The following COL6A1 variants were observed in gnomAD, a reference collection of about 807,000 sequenced individuals.
COL6A1 encodes the protein collagen alpha-1(VI) chain.
COL6A1 carries 80 observed loss-of-function variants against 145.6 expected under a neutral mutation model. The observed-to-expected ratio is 0.55, with a 90% CI of 0.46 to 0.66. The LOEUF (loss-of-function observed/expected upper bound fraction) is 0.66. COL6A1 is among the 30% of genes least tolerant of loss of function. The pLI, the probability that COL6A1 is intolerant of heterozygous loss-of-function variation, is 0.00. For synonymous variants in COL6A1, 638 were observed against 622.8 expected (o/e 1.02, Z -0.36); for missense variants, 1,364 against 1,473.8 (o/e 0.93, Z 1.22).
chr21:46,001,853 G>A (rs909367956), intron 30 of COL6A1, 108 bp from the exon 31 acceptor site: 2 of 932,958 alleles, frequency 2.1e-6, no homozygotes, highest in Non-Finnish European at 3.4e-6. Context: ...CTGAGGTCCT[G>A]GGGGCCATGC....
chr21:45,981,784 G>C lies in COL6A1; in HGVS notation c.-67G>C. On this transcript the variant is annotated 5_prime_UTR_variant, in exon 1 of 35. Transcript: ENST00000361866. ...TGGCTGGGAGCAGAAGGCAGCCTCG[G>C]TCTCTGGGCGGCGGCGGCGGCCCAC... 1 of 1,268,324 alleles carries C rather than the reference G, an allele frequency of 7.9e-7. No individual in the cohort carries two copies. The highest frequency in any genetic ancestry group is 2.1e-5 in the Admixed American group (1 of 48,318). The allele number at this position is 1,268,324 out of a possible 1,614,324, so 78.6% of individuals were successfully genotyped here.
In COL6A1 at chr21:45,990,959, T is replaced by C; in HGVS notation, c.1057-20T>C. ...GCGGTGGCCTCTGCCGGTGGTGTCA[T>C]GCTGCCCTCTTTTCTCCAGGGCATT... On this transcript the variant is annotated intron_variant, in intron 14 of 34. Coordinates refer to ENST00000361866, the MANE Select transcript of COL6A1 (RefSeq NM_001848.3). The C allele has an allele frequency of 1.2e-6, 2 of 1,613,358 alleles. No individual in the cohort carries two copies. Among genetic ancestry groups the C allele is most frequent in the South Asian group, 1.1e-5 (1 of 91,080 alleles).
Position 45,984,375 on chromosome 21 carries a change from G to A in COL6A1, c.334G>A (p.Ala112Thr), listed in dbSNP as rs568865339. ...CACGCGCATGCCTGGCGGCCGCGAC[G>A]CACTCAAAAGCAGCGTGGACGCGGT... ...GLTRMPGGRD[A>T]LKSSVDAVKY... The change falls in exon 3 of 35, where the codon GCA (alanine) becomes ACA (threonine). Residue 112 changes from alanine to threonine, a missense_variant. Ala to Thr is a moderately conservative substitution (Grantham distance 58, BLOSUM62 0). Transcript: ENST00000361866. 116 of 1,612,694 alleles carry A rather than the reference G, an allele frequency of 7.2e-5. 1 individual carries two copies. The highest frequency in any genetic ancestry group is 3.8e-4 in the South Asian group (35 of 91,074).
At chr21:45,984,004 C>T (rs1020972325) in intron 2 of COL6A1, among the ~76,000 whole-genome samples, 2 of 152,202 alleles carry the variant, frequency 1.3e-5, no homozygotes, top group African/African-American at 2.4e-5. Context: ...ACTGCAGGCC[C>T]AAGGACCCCA....
rs1569518819 is a variant in COL6A1 at position 45,999,257 on chromosome 21, GC to G, written c.1740+41del. On this transcript the variant is annotated intron_variant, in intron 26 of 34. Transcript: ENST00000361866. ...GCTGGGTGAGGCCACGGTGGGCTGTGCCTGGGACGCCGGATGCTGGGGCTGG... is the reference window on the plus strand; with the variant it reads ...GCTGGGTGAGGCCACGGTGGGCTGTGCTGGGACGCCGGATGCTGGGGCTGG... 12 of 1,535,312 alleles carry G rather than the reference GC, an allele frequency of 7.8e-6. No homozygotes were observed. In the East Asian group the frequency reaches 2.8e-4, roughly 36 times the overall value.
intron 3 of COL6A1, among the ~76,000 whole-genome samples, chr21:45,985,528 C>T (rs1400405992): frequency 6.6e-6 from 1 of 152,158 alleles, no homozygotes; most frequent in African/African-American, 2.4e-5. Flanking sequence ...TCATCAGACC[C>T]GAAGCATGCG....
intron 1 of COL6A1, 66 bp from the exon 2 acceptor site, chr21:45,982,568 A>C (rs569444334): frequency 6.2e-7 from 1 of 1,605,974 alleles, no homozygotes; most frequent in African/African-American, 1.3e-5. Context: ...CCGGGAGGGC[A>C]GGCCCAGCAG....
chr21:45,993,750 C>T (rs528020537), intron 19 of COL6A1, among the ~76,000 whole-genome samples: 1 of 152,342 alleles, frequency 6.6e-6, no homozygotes, highest in Non-Finnish European at 1.5e-5. Context: ...GTGACTCAGA[C>T]TGCCTTCTAG....
At chr21:45,983,271 C>T (rs2077718665) in intron 2 of COL6A1, among the ~76,000 whole-genome samples, 2 of 152,144 alleles carry the variant, frequency 1.3e-5, no homozygotes, top group African/African-American at 4.8e-5. Flanking sequence ...GCCCCAGGGC[C>T]CCCAGGCTTG....
chr21:46,000,861 C>T, intron 29 of COL6A1, 94 bp downstream of exon 29: 1 of 1,458,978 alleles, frequency 6.9e-7, no homozygotes, highest in Non-Finnish European at 9.6e-7. Context: ...GCACATGGCA[C>T]TCTGGTCCCC....
chr21:45,994,249 T>TG lies in COL6A1; in HGVS notation c.1398+26dup, dbSNP rs1430361731. ...GACCCGGTAGGAAGCGCTGTGGGGT[T>TG]GGGGGGCGTTGGCCAATTTGGGTTT... is the stretch of plus-strand genomic sequence containing the variant. On this transcript the variant is annotated intron_variant, in intron 20 of 34. Transcript: ENST00000361866. The surrounding 1 kb of genome is among the most constrained non-coding windows in gnomAD (Gnocchi z 6.8). 6.2e-7 allele frequency: 1 copy of TG among 1,600,922 alleles called. No individual in the cohort carries two copies. Among genetic ancestry groups the TG allele is most frequent in the Non-Finnish European group, 8.5e-7 (1 of 1,174,552 alleles).
At position 45,990,438 on chromosome 21, in the gene COL6A1, T is replaced by C. The variant is rs1569518214; in HGVS notation, c.1002+16T>C. The C allele has an allele frequency of 6.8e-6, 4 of 588,830 alleles. No homozygotes were observed. Among genetic ancestry groups the C allele is most frequent in the East Asian group, 9.9e-5 (1 of 10,070 alleles). 36.5% of individuals were successfully genotyped at this position (588,830 alleles called of 1,614,324 possible). Reference sequence around the variant, plus strand: ...CGGCGTGAAGGTGACTGGGGGGAGATAGGATGGACGGGGAGGGACGAGGAG... The same window carrying C: ...CGGCGTGAAGGTGACTGGGGGGAGACAGGATGGACGGGGAGGGACGAGGAG... On this transcript the variant is annotated intron_variant, in intron 13 of 34. Transcript: ENST00000361866.
At chr21:45,990,179 C>A (rs984938455) in intron 11 of COL6A1, 79 bp from the exon 12 acceptor site, 2 of 1,567,928 alleles carry the variant, frequency 1.3e-6, no homozygotes, top group Non-Finnish European at 1.8e-6. Context: ...CAAGCCCCTG[C>A]CTCGCGTGGG....
intron 30 of COL6A1, 62 bp downstream of exon 30, chr21:46,001,448 C>A: frequency 6.3e-7 from 1 of 1,593,562 alleles, no homozygotes; most frequent in Non-Finnish European, 8.5e-7. Flanking sequence ...GCCGGCCGCC[C>A]CTGCCCGCGC....
chr21:45,998,180 C>T lies in COL6A1; in HGVS notation c.1575+9C>T. On this transcript the variant is annotated intron_variant, in intron 23 of 34. Coordinates refer to ENST00000361866, the MANE Select transcript of COL6A1 (RefSeq NM_001848.3). ...GCTTCCCCGGCTTCCCCGTAAGTGTCCGGAGGCTGAGCCCACAGGAACATG... is the reference window on the plus strand; with the variant it reads ...GCTTCCCCGGCTTCCCCGTAAGTGTTCGGAGGCTGAGCCCACAGGAACATG... The T allele has an allele frequency of 6.2e-7, 1 of 1,611,568 alleles. No individual in the cohort carries two copies. The highest frequency in any genetic ancestry group is 8.5e-7 in the Non-Finnish European group (1 of 1,179,406).
At chr21:46,000,710 G>A (rs550997718) in intron 28 of COL6A1, 49 bp from the exon 29 acceptor site, 32 of 1,613,638 alleles carry the variant, frequency 2.0e-5, no homozygotes, top group East Asian at 1.1e-4. Flanking sequence ...TCTGACGTGC[G>A]CAGGACGCGG....
At position 45,986,666 on chromosome 21, in the gene COL6A1, C is replaced by T; in HGVS notation, c.569C>T (p.Ala190Val). The T allele has an allele frequency of 1.3e-6, 2 of 1,548,606 alleles. No individual in the cohort carries two copies. The highest frequency in any genetic ancestry group is 8.7e-7 in the Non-Finnish European group (1 of 1,146,978). ...KHLGVKVFSVAITPDHLEPRL... is the reference protein window; with the variant it reads ...KHLGVKVFSVVITPDHLEPRL... ...CTGGGCGTCAAAGTCTTCTCGGTGG[C>T]CATCACACCCGACCACCTGGTAGGC... The change falls in exon 4 of 35, where the codon GCC becomes GTC. Residue 190 changes from alanine (A) to valine (V), a missense_variant. This residue lies in a region of COL6A1 where 414 missense variants were observed against 437.6 expected (regional missense o/e 0.95). Coordinates refer to ENST00000361866, the MANE Select transcript of COL6A1 (RefSeq NM_001848.3).
chr21:45,983,662 G>A (rs1029859724), intron 2 of COL6A1, among the ~76,000 whole-genome samples: 3 of 152,106 alleles, frequency 2.0e-5, no homozygotes, highest in Non-Finnish European at 4.4e-5. Flanking sequence ...AGTGTTTGGG[G>A]GGGGGTCTGG....
rs181256566 is a variant in COL6A1 at position 45,998,405 on chromosome 21, C to T, written c.1583C>T (p.Pro528Leu). 1.1e-5 allele frequency: 18 copies of T among 1,613,294 alleles called. No homozygotes were observed. In the African/African-American group the frequency reaches 1.3e-4, roughly 12 times the overall value. The change falls in exon 24 of 35, where the codon CCG (proline) becomes CTG (leucine). Residue 528 changes from proline (P) to leucine (L), a missense_variant. Pro to Leu is a moderately conservative substitution (Grantham distance 98). Coordinates refer to ENST00000361866, the MANE Select transcript of COL6A1 (RefSeq NM_001848.3). ...CCTGCTTTTCCATGACAGGGGTATC[C>T]GGGCAACAGGGGCGCTCCCGGGATA... ...TEGFPGFPGY[P>L]GNRGAPGING...
Sources: gnomAD v4.1 joint callset for allele counts (sites outside exome capture counted in the v4.1 genomes callset) on GRCh38, gnomAD v4.1.1 for gene constraint, gnomAD v4.1.1 regional missense constraint, Gnocchi (gnomAD v3.1) non-coding constraint, MANE v1.5 for transcripts, NCBI Gene and HGNC (gene_info 2026-07-23, HGNC 2026-07-21) for gene names.